Variants in DMD observed in about 807,000 individuals in gnomAD.
DMD encodes mutant dystrophin.
In DMD, 63 loss-of-function variants were observed where a neutral mutation model predicts 330.1. The ratio of observed to expected loss-of-function variants is 0.19; its 90% CI spans 0.16 to 0.24. The LOEUF (loss-of-function observed/expected upper bound fraction) is 0.24, where lower values mean the gene tolerates loss of function less well. Among genes scored for constraint, DMD ranks in the 10% least tolerant of loss-of-function variants. The probability of loss-of-function intolerance (pLI) is 1.00; values close to 1 mark genes in which losing one functional copy is unlikely to be tolerated. For synonymous variants in DMD, 1,223 were observed against 959.8 expected (o/e 1.27, Z -5.07); for missense variants, 3,344 against 2,684.1 (o/e 1.25, Z -5.43).
At chrX:32,715,440 G>A (rs1487864076) in intron 7 of DMD, among the ~76,000 whole-genome samples, 1 of 82,087 alleles carries the variant, frequency 1.2e-5, no homozygotes, top group East Asian at 3.8e-4. Flanking sequence ...TTGTGCCACT[G>A]CACATCAGCC....
At chrX:31,686,534 T>C (rs1413389369) in intron 52 of DMD, among the ~76,000 whole-genome samples, 1 of 112,372 alleles carries the variant, frequency 8.9e-6, no homozygotes, top group African/African-American at 3.2e-5. Context: ...ATCAACCACA[T>C]TCATTTGTAT....
chrX:32,006,577 C>A (rs2095662965), intron 44 of DMD, among the ~76,000 whole-genome samples: 1 of 111,286 alleles, frequency 9.0e-6, no homozygotes, highest in Non-Finnish European at 1.9e-5. Context: ...TTATCAGAAG[C>A]CTTTATTACT....
intron 2 of DMD, among the ~76,000 whole-genome samples, chrX:32,910,593 C>G (rs2087144237): frequency 9.1e-6 from 1 of 110,323 alleles, no homozygotes; most frequent in Admixed American, 9.7e-5. Context: ...CGCCGCCATG[C>G]CTGGCTAATT....
intron 1 of DMD, among the ~76,000 whole-genome samples, chrX:33,177,381 ATTTT>A (rs1307405954): frequency 9.0e-6 from 1 of 110,813 alleles, no homozygotes; most frequent in Non-Finnish European, 1.9e-5. Context: ...ATTTTATTTT[ATTTT>A]GTTTTATTTA....
At chrX:32,755,606 A>C (rs1015281872) in intron 7 of DMD, among the ~76,000 whole-genome samples, 3 of 112,199 alleles carry the variant, frequency 2.7e-5, no homozygotes, top group South Asian at 3.7e-4. Flanking sequence ...TGAGTTCTTA[A>C]TTACAAATAT....
chrX:32,885,827 G>GGGGA (rs1557115361), intron 2 of DMD, among the ~76,000 whole-genome samples: 3 of 64,942 alleles, frequency 4.6e-5, no homozygotes, highest in Admixed American at 2.0e-4. Flanking sequence ...CCTTGAGGGG[G>GGGGA]AAAAAAAAAA....
chrX:32,400,396 C>A (rs746836911), intron 30 of DMD, among the ~76,000 whole-genome samples: 1 of 111,299 alleles, frequency 9.0e-6, no homozygotes, highest in East Asian at 2.8e-4. Flanking sequence ...CAATGTTCAT[C>A]AAGGATAATG....
At chrX:33,204,841 T>C (rs181071526) in intron 1 of DMD, among the ~76,000 whole-genome samples, 1 of 112,877 alleles carries the variant, frequency 8.9e-6, no homozygotes, top group East Asian at 2.8e-4. Flanking sequence ...CTTATTTTGA[T>C]ACTTTTATTT....
intron 11 of DMD, among the ~76,000 whole-genome samples, chrX:32,629,634 A>G (rs1301489622): frequency 9.0e-6 from 1 of 110,654 alleles, no homozygotes; most frequent in Non-Finnish European, 1.9e-5. Context: ...TATTAATGAA[A>G]GTAATTTTCT....
intron 41 of DMD, among the ~76,000 whole-genome samples, chrX:32,339,934 C>A (rs755078269): frequency 8.1e-5 from 9 of 111,673 alleles, no homozygotes; most frequent in African/African-American, 2.9e-4. Flanking sequence ...TGCATCAGAG[C>A]CATTGTAAGG....
chrX:32,033,954 T>C (rs779079807), intron 44 of DMD, among the ~76,000 whole-genome samples: 3 of 111,847 alleles, frequency 2.7e-5, no homozygotes, highest in Non-Finnish European at 1.9e-5. Context: ...TATCAAAAGA[T>C]GACAATTTTT....
chrX:32,228,584 T>A (rs1455147116), intron 43 of DMD, among the ~76,000 whole-genome samples: 1 of 111,506 alleles, frequency 9.0e-6, no homozygotes, highest in Non-Finnish European at 1.9e-5. Flanking sequence ...GCAGGCTAAG[T>A]TAAATAATTT....
intron 42 of DMD, among the ~76,000 whole-genome samples, chrX:32,305,049 C>T (rs184145437): frequency 1.8e-5 from 2 of 111,548 alleles, no homozygotes; most frequent in African/African-American, 3.2e-5. Flanking sequence ...TGCATATAAA[C>T]AATGTAATAT....
chrX:32,511,596 A>T (rs2045347007), intron 18 of DMD, among the ~76,000 whole-genome samples: 1 of 108,917 alleles, frequency 9.2e-6, no homozygotes, highest in South Asian at 4.1e-4. Context: ...TGCTTCTTAC[A>T]ACATTCAGTA....
rs1057515857 is a variant in DMD, at chrX:31,120,490, GTTTA to G, written c.*1425_*1428del. On this transcript the variant is annotated 3_prime_UTR_variant, in exon 79 of 79. Coordinates refer to ENST00000357033, the MANE Select transcript of DMD (RefSeq NM_004006.3). ...CTACTGTTTTACACCTTTTCCCAAA[GTTTA>G]TTTATTTTAAATTATGTCTTGTGGC... 1.8e-5 allele frequency: 2 copies of G among 111,817 alleles called. No homozygotes were observed. Among genetic ancestry groups the G allele is most frequent in the African/African-American group, 3.2e-5 (1 of 30,815 alleles). 9.2% of individuals were successfully genotyped at this position (111,817 alleles called of 1,213,427 possible).
chrX:31,522,140 G>A (rs1390559890), intron 55 of DMD, among the ~76,000 whole-genome samples: 1 of 108,941 alleles, frequency 9.2e-6, no homozygotes, highest in South Asian at 4.0e-4. Context: ...ATTTGATCAG[G>A]GTCTTGAGGG....
intron 2 of DMD, among the ~76,000 whole-genome samples, chrX:32,968,217 C>T (rs1291924685): frequency 9.5e-6 from 1 of 105,011 alleles, no homozygotes; most frequent in African/African-American, 3.6e-5. Flanking sequence ...GATTAAATGG[C>T]TTTACTTGAG....
intron 2 of DMD, among the ~76,000 whole-genome samples, chrX:32,888,760 A>T (rs1311972530): frequency 8.9e-6 from 1 of 111,969 alleles, no homozygotes; most frequent in Non-Finnish European, 1.9e-5. Flanking sequence ...AATCAACCTA[A>T]GTAACCATCA....
intron 1 of DMD, among the ~76,000 whole-genome samples, chrX:33,076,011 G>A (rs766060215): frequency 1.8e-5 from 2 of 111,559 alleles, no homozygotes; most frequent in South Asian, 3.8e-4. Flanking sequence ...TTGCTCCTGG[G>A]CATAAAGTCA....
Sources: allele counts gnomAD v4.1 joint callset (sites outside exome capture counted in the v4.1 genomes callset), GRCh38; gene constraint gnomAD v4.1.1; transcripts MANE v1.5; gene names NCBI Gene and HGNC (gene_info 2026-07-23, HGNC 2026-07-21).